The following PTPRA variants were observed in gnomAD, a reference collection of about 807,000 sequenced individuals.
The protein encoded by PTPRA is protein tyrosine phosphatase receptor type A.
A neutral mutation model predicts 104.8 loss-of-function variants in PTPRA; 25 were observed. The ratio of observed to expected loss-of-function variants is 0.24; its 90% CI spans 0.17 to 0.33. The LOEUF is 0.33. Among genes scored for constraint, PTPRA ranks in the 10% least tolerant of loss-of-function variants. The pLI is 1.00. For missense variants in PTPRA, 765 were observed against 1,015.3 expected (o/e 0.75, Z 3.35); for synonymous variants, 323 against 368.9 (o/e 0.88, Z 1.43).
intron 6 of PTPRA, among the ~76,000 whole-genome samples, chr20:2,985,151 C>G (rs1290229442): frequency 1.3e-5 from 2 of 152,188 alleles, no homozygotes; most frequent in African/African-American, 4.8e-5. Context: ...AAGGTTGAAT[C>G]AGATGAGGAT....
intron 3 of PTPRA, among the ~76,000 whole-genome samples, chr20:2,960,019 C>T (rs1250333684): frequency 6.6e-6 from 1 of 152,142 alleles, no homozygotes; most frequent in Non-Finnish European, 1.5e-5. Context: ...GCACAGCCTC[C>T]TCATTATCCA....
chr20:2,906,171 TAAAG>T (rs1436364763), intron 1 of PTPRA, among the ~76,000 whole-genome samples: 1 of 152,240 alleles, frequency 6.6e-6, no homozygotes, highest in African/African-American at 2.4e-5. Context: ...GAAATGTACT[TAAAG>T]AAGAGGCCTT....
intron 1 of PTPRA, among the ~76,000 whole-genome samples, chr20:2,902,510 T>C (rs1179578743): frequency 6.6e-6 from 1 of 152,216 alleles, no homozygotes; most frequent in Non-Finnish European, 1.5e-5. Flanking sequence ...GGCACTGGTC[T>C]GATTCTTTCT....
chr20:3,030,633 T>A (rs1416489854), intron 20 of PTPRA, among the ~76,000 whole-genome samples: 1 of 149,196 alleles, frequency 6.7e-6, no homozygotes, highest in Non-Finnish European at 1.5e-5. Flanking sequence ...ACTTACAAAT[T>A]AAAATCTCGA....
At chr20:2,956,835 G>A (rs985300988) in intron 3 of PTPRA, among the ~76,000 whole-genome samples, 3 of 152,154 alleles carry the variant, frequency 2.0e-5, no homozygotes, top group Non-Finnish European at 2.9e-5. Flanking sequence ...ATATGTATCC[G>A]TGGAATAAGT....
chr20:3,018,921 G>A (rs1423853568), intron 13 of PTPRA, among the ~76,000 whole-genome samples: 1 of 126,488 alleles, frequency 7.9e-6, no homozygotes, highest in Non-Finnish European at 1.7e-5. Flanking sequence ...CTTCCCAGTA[G>A]GGGCGGCCGG....
the PTPRA span, chr20:2,866,182 T>C: frequency 4.4e-6 from 7 of 1,602,872 alleles, no homozygotes; most frequent in Admixed American, 1.0e-4. Context: ...TGCATTACCT[T>C]CTCCCTCCAC....
intron 2 of PTPRA, 43 bp downstream of exon 2, chr20:2,923,328 C>T (rs754607659): frequency 1.8e-5 from 23 of 1,244,610 alleles, no homozygotes; most frequent in Non-Finnish European, 2.4e-5. Context: ...CTTTTGCCAG[C>T]CAAGTAGTGT....
At position 3,037,877 on chromosome 20, in the gene PTPRA, T is replaced by G. The variant is rs534064687; in HGVS notation, c.2335-182T>G. Among the ~76,000 whole-genome samples, 1 of 152,284 alleles carries G rather than the reference T, an allele frequency of 6.6e-6. No individual in the cohort carries two copies. Among genetic ancestry groups the G allele is most frequent in the Non-Finnish European group, 1.5e-5 (1 of 68,006 alleles). ...CTCTGCTTGTAGAAGGTCTGCTGCA[T>G]TCAGCCCGGAAGGGGAATGCTGTCA... On this transcript the variant is annotated intron_variant, in intron 23 of 23. Coordinates refer to ENST00000399903, the MANE Select transcript of PTPRA (RefSeq NM_001385305.1). The surrounding 1 kb of genome is among the most constrained non-coding windows in gnomAD (Gnocchi z 4.3).
intron 13 of PTPRA, among the ~76,000 whole-genome samples, chr20:3,018,651 G>A (rs4575370): frequency 0.013 from 2,028 of 151,690 alleles, 23 homozygotes; most frequent in Middle Eastern, 0.058. Context: ...GCAACCATCC[G>A]ATTTCTCAAT....
intron 11 of PTPRA, among the ~76,000 whole-genome samples, chr20:3,011,382 A>G (rs1285673990): frequency 6.6e-6 from 1 of 152,268 alleles, no homozygotes; most frequent in Non-Finnish European, 1.5e-5. Flanking sequence ...TTACAGAGGT[A>G]AGATGTAATC....
At chr20:2,918,473 A>G (rs779368736) in intron 1 of PTPRA, among the ~76,000 whole-genome samples, 4 of 152,336 alleles carry the variant, frequency 2.6e-5, no homozygotes, top group East Asian at 3.9e-4. Flanking sequence ...GGGACTTCCT[A>G]TGAATGGCTC....
chr20:2,886,842 G>A (rs1247643171), intron 1 of PTPRA, among the ~76,000 whole-genome samples: 1 of 147,752 alleles, frequency 6.8e-6, no homozygotes, highest in Non-Finnish European at 1.5e-5. Context: ...GGCAACAAGA[G>A]TGAAACTCTG....
At chr20:2,938,666 A>AT (rs1168499298) in intron 2 of PTPRA, among the ~76,000 whole-genome samples, 1 of 152,148 alleles carries the variant, frequency 6.6e-6, no homozygotes, top group Non-Finnish European at 1.5e-5. Flanking sequence ...ATTTCCATTC[A>AT]TTTAAGTTTA....
intron 20 of PTPRA, among the ~76,000 whole-genome samples, chr20:3,030,401 T>C (rs2148488924): frequency 6.6e-6 from 1 of 152,300 alleles, no homozygotes; most frequent in Middle Eastern, 3.4e-3. Flanking sequence ...TCTGAGTGGA[T>C]TGGAACAGGA....
In PTPRA at chr20:3,027,840, A is replaced by G; in HGVS notation, c.1919A>G (p.Gln640Arg). ...VMLTELEERG[Q>R]EKCAQYWPSD... ...CTAACAGAACTGGAGGAGAGAGGCCAGGTGAGTTCAAAAGGTCCTGGGTGG... is the reference window on the plus strand; with the variant it reads ...CTAACAGAACTGGAGGAGAGAGGCCGGGTGAGTTCAAAAGGTCCTGGGTGG... The change falls in exon 20 of 24, where the codon CAG (glutamine) becomes CGG (arginine). Residue 640 changes from glutamine (Q) to arginine (R), a missense_variant and splice_region_variant. This residue lies in a region of PTPRA where 192 missense variants were observed against 227.0 expected (regional missense o/e 0.85). Coordinates refer to ENST00000399903, the MANE Select transcript of PTPRA (RefSeq NM_001385305.1). 8.7e-6 allele frequency: 14 copies of G among 1,614,124 alleles called. No homozygotes were observed. Among genetic ancestry groups the G allele is most frequent in the Non-Finnish European group, 1.2e-5 (14 of 1,180,004 alleles).
At chr20:2,878,028 G>A (rs537541019) in intron 1 of PTPRA, among the ~76,000 whole-genome samples, 11 of 152,104 alleles carry the variant, frequency 7.2e-5, no homozygotes, top group Non-Finnish European at 1.2e-4. Flanking sequence ...GCGCGTGCCT[G>A]TAATCCCAGC....
At chr20:2,974,632 G>C (rs1429052660) in intron 5 of PTPRA, among the ~76,000 whole-genome samples, 2 of 152,092 alleles carry the variant, frequency 1.3e-5, no homozygotes, top group African/African-American at 4.8e-5. Flanking sequence ...GTTTTACCAT[G>C]TTGGCCAGGC....
Position 3,019,821 on chromosome 20 carries a change from C to T in PTPRA, c.1042-1488C>T, listed in dbSNP as rs373310861. Among the ~76,000 whole-genome samples, 111 of 151,580 alleles carry T rather than the reference C, an allele frequency of 7.3e-4. 1 individual carries two copies. In the South Asian group the frequency reaches 0.017, roughly 23 times the overall value. On this transcript the variant is annotated intron_variant, in intron 13 of 23. Transcript: ENST00000399903. ...GTGAACGAGACTCCGTCTGCAATCC[C>T]GGCACCTCGGGAGGCCGAGGCTGGC...
Sources: gnomAD v4.1 joint callset for allele counts (sites outside exome capture counted in the v4.1 genomes callset) on GRCh38, gnomAD v4.1.1 for gene constraint, gnomAD v4.1.1 regional missense constraint, Gnocchi (gnomAD v3.1) non-coding constraint, MANE v1.5 for transcripts, NCBI Gene and HGNC (gene_info 2026-07-23, HGNC 2026-07-21) for gene names.